The following HIPK1 variants were observed in gnomAD, a reference collection of about 807,000 sequenced individuals.
The protein encoded by HIPK1 is homeodomain-interacting protein kinase 1.
HIPK1 carries 28 observed loss-of-function variants against 117.1 expected under a neutral mutation model. The observed-to-expected ratio is 0.24, with a 90% CI of 0.18 to 0.33. The LOEUF (loss-of-function observed/expected upper bound fraction) is 0.33, where lower values mean the gene tolerates loss of function less well. HIPK1 is among the 10% of genes least tolerant of loss of function. HIPK1 has a pLI of 1.00. For synonymous variants in HIPK1, 605 were observed against 562.5 expected (o/e 1.08, Z -1.07); for missense variants, 1,122 against 1,475.1 (o/e 0.76, Z 3.92).
intron 8 of HIPK1, among the ~76,000 whole-genome samples, chr1:113,961,462 A>G (rs1325495897): frequency 6.6e-6 from 1 of 152,184 alleles, no homozygotes; most frequent in Non-Finnish European, 1.5e-5. Context: ...AAAATATATG[A>G]CTGATTTATG....
At position 113,941,815 on chromosome 1, in the gene HIPK1, A is replaced by G. The variant is rs1670656575; in HGVS notation, c.1076+356A>G. ...CGCTCTGTCGCCCAGGCTGGAGTGC[A>G]GTGGCGTGATATCAGCTCACTGCAA... is the stretch of plus-strand genomic sequence containing the variant. On this transcript the variant is annotated intron_variant, in intron 2 of 15. Transcript: ENST00000426820. This position sits in a 1 kb window ranked among gnomAD's most constrained non-coding sequence, Gnocchi z 4.9. Among the ~76,000 whole-genome samples, 1 of 152,150 alleles carries G rather than the reference A, an allele frequency of 6.6e-6. No homozygotes were observed. The highest frequency in any genetic ancestry group is 2.4e-5 in the African/African-American group (1 of 41,432).
chr1:113,968,444 C>T lies in HIPK1; in HGVS notation c.2567C>T (p.Ser856Phe). 1 of 1,610,878 alleles carries T rather than the reference C, an allele frequency of 6.2e-7. No homozygotes were observed. The change falls in exon 13 of 16, where the codon TCC becomes TTC. Residue 856 changes from serine to phenylalanine, a missense_variant and splice_region_variant. By Grantham distance (155) the Ser-to-Phe change is radical (BLOSUM62 -2). This residue lies in a region of HIPK1 where 731 missense variants were observed against 860.4 expected (regional missense o/e 0.85). Coordinates refer to ENST00000426820, the MANE Select transcript of HIPK1 (RefSeq NM_198268.3). Reference protein sequence around the residue: ...NKQSAPVSSKSSLDVLPSQVY... With the variant: ...NKQSAPVSSKFSLDVLPSQVY... ...TTCCATGTGAACTTTTCCTACAGGT[C>T]CTCTCTAGATGTTCTGCCTTCCCAA...
intron 2 of HIPK1, among the ~76,000 whole-genome samples, chr1:113,942,669 C>A (rs764132861): frequency 4.6e-5 from 7 of 152,130 alleles, no homozygotes; most frequent in Non-Finnish European, 1.0e-4. Context: ...TAGATTGATA[C>A]TTTTAATGTA....
At position 113,951,329 on chromosome 1, in the gene HIPK1, A is replaced by G. The variant is rs1251230121; in HGVS notation, c.1077-1437A>G. 4 of 952,750 alleles carry G rather than the reference A, an allele frequency of 4.2e-6. No individual in the cohort carries two copies. In the African/African-American group the frequency reaches 7.1e-5, roughly 17 times the overall value. 59.0% of individuals were successfully genotyped at this position (952,750 alleles called of 1,614,324 possible). A position where few individuals can be genotyped will look rare whatever the true frequency, so the allele number is the denominator to read the frequency against. Reference sequence around the variant, plus strand: ...TACTTATTGAGAAACAGTGTAATATATAATATACTCAATTCTGGAGCCAGA... The same window carrying G: ...TACTTATTGAGAAACAGTGTAATATGTAATATACTCAATTCTGGAGCCAGA... On this transcript the variant is annotated intron_variant, in intron 2 of 15. Transcript: ENST00000426820.
At chr1:113,969,526 G>A (rs1672680243) in intron 13 of HIPK1, among the ~76,000 whole-genome samples, 1 of 152,166 alleles carries the variant, frequency 6.6e-6, no homozygotes, top group Non-Finnish European at 1.5e-5. Context: ...GAAGTTTACT[G>A]CTGCTAATAT....
chr1:113,939,933 C>T (rs1258860689), intron 1 of HIPK1, among the ~76,000 whole-genome samples: 1 of 148,868 alleles, frequency 6.7e-6, no homozygotes, highest in Admixed American at 6.7e-5. Context: ...TATACTCTAG[C>T]TTTCTCATCA....
intron 13 of HIPK1, 97 bp from the exon 14 acceptor site, chr1:113,969,859 A>G: frequency 7.4e-7 from 1 of 1,357,442 alleles, no homozygotes; most frequent in Non-Finnish European, 1.0e-6. Flanking sequence ...GCGAGCTGTG[A>G]TCACTCCACT....
Position 113,970,204 on chromosome 1 carries a change from G to A in HIPK1, c.3013+7G>A. 1 of 1,613,664 alleles carries A rather than the reference G, an allele frequency of 6.2e-7. No homozygotes were observed. On this transcript the variant is annotated splice_region_variant and intron_variant, in intron 14 of 15. Coordinates refer to ENST00000426820, the MANE Select transcript of HIPK1 (RefSeq NM_198268.3). The stretch of plus-strand genomic sequence containing the variant: ...GTAGCAACCCAGGCCTCAGGTCAGT[G>A]TTATCTTCACAGCTTGAGTTGAATT...
intron 1 of HIPK1, among the ~76,000 whole-genome samples, chr1:113,938,694 A>G (rs985032949): frequency 6.6e-6 from 1 of 151,726 alleles, no homozygotes; most frequent in African/African-American, 2.4e-5. Context: ...GGATCACTTG[A>G]GCTCAGGAGT....
At chr1:113,954,202 A>G (rs900120343) in intron 3 of HIPK1, among the ~76,000 whole-genome samples, 3 of 151,858 alleles carry the variant, frequency 2.0e-5, no homozygotes, top group Non-Finnish European at 2.9e-5. Flanking sequence ...GGCTCAAGCT[A>G]TCCTCCTACC....
intron 14 of HIPK1, 106 bp from the exon 15 acceptor site, chr1:113,971,718 C>T (rs1308757928): frequency 3.6e-6 from 4 of 1,099,010 alleles, no homozygotes; most frequent in Non-Finnish European, 5.1e-6. Flanking sequence ...GAATTGAGAC[C>T]TTAATGCTTG....
rs760167553 is a variant in HIPK1 at position 113,968,496 on chromosome 1, C to A, written c.2619C>A (p.Pro873=). Residue 873 remains proline, a synonymous_variant, in exon 13 of 16, where the codon CCC becomes CCA. Coordinates refer to ENST00000426820, the MANE Select transcript of HIPK1 (RefSeq NM_198268.3). ...SQVYSLVGSS[P]LRTTSSYNSL... is the part of the protein sequence containing the mutation. ...TCTATTCTCTGGTTGGGAGCAGTCC[C>A]CTCCGCACCACATCTTCTTATAATT... is the stretch of plus-strand genomic sequence containing the variant. 5.0e-6 allele frequency: 8 copies of A among 1,614,116 alleles called. No homozygotes were observed. The highest frequency in any genetic ancestry group is 4.5e-5 in the East Asian group (2 of 44,882).
intron 2 of HIPK1, 40 bp from the exon 3 acceptor site, chr1:113,952,726 G>GTTT (rs369231621): frequency 3.3e-5 from 33 of 1,006,746 alleles, no homozygotes; most frequent in South Asian, 1.2e-4. Context: ...CCCAAATAAT[G>GTTT]TTTTTTTTTT....
chr1:113,966,020 A>G (rs781395694), intron 10 of HIPK1, 110 bp from the exon 11 acceptor site: 7 of 1,076,512 alleles, frequency 6.5e-6, no homozygotes, highest in East Asian at 2.5e-5. Flanking sequence ...CAAGTTAACA[A>G]TCTACAAGCA....
intron 12 of HIPK1, among the ~76,000 whole-genome samples, chr1:113,968,190 A>C (rs1672581462): frequency 6.6e-6 from 1 of 152,172 alleles, no homozygotes; most frequent in South Asian, 2.1e-4. Context: ...ATTTTACTTT[A>C]CAGAGTGAAA....
chr1:113,962,256 A>G lies in HIPK1; in HGVS notation c.1982-61A>G, dbSNP rs1317448326. On this transcript the variant is annotated intron_variant, in intron 8 of 15. Transcript: ENST00000426820. ...GAACAGAGAAGCTGAAAACAAAATA[A>G]TCTTAAAACAGTACTCCCAGACCTT... 8.4e-6 allele frequency: 13 copies of G among 1,547,676 alleles called. No individual in the cohort carries two copies. In the South Asian group the frequency reaches 1.2e-4, roughly 14 times the overall value.
intron 8 of HIPK1, among the ~76,000 whole-genome samples, chr1:113,959,981 A>G (rs1446348813): frequency 1.3e-5 from 2 of 152,162 alleles, no homozygotes; most frequent in Non-Finnish European, 2.9e-5. Flanking sequence ...CCTATAACTA[A>G]TTATTGCAGA....
chr1:113,946,929 G>T (rs1030329650), intron 2 of HIPK1, among the ~76,000 whole-genome samples: 1 of 152,126 alleles, frequency 6.6e-6, no homozygotes, highest in Non-Finnish European at 1.5e-5. Context: ...AGTTTTACCC[G>T]CAGTGGTCCT....
chr1:113,934,061 C>G (rs1670089480), intron 1 of HIPK1, among the ~76,000 whole-genome samples: 2 of 152,124 alleles, frequency 1.3e-5, no homozygotes, highest in African/African-American at 4.8e-5. Context: ...AAATATGTAT[C>G]AGAGTATGTG....
Sources: gnomAD v4.1 joint callset for allele counts (sites outside exome capture counted in the v4.1 genomes callset) on GRCh38, gnomAD v4.1.1 for gene constraint, gnomAD v4.1.1 regional missense constraint, Gnocchi (gnomAD v3.1) non-coding constraint, MANE v1.5 for transcripts, NCBI Gene and HGNC (gene_info 2026-07-23, HGNC 2026-07-21) for gene names.